The following TENM4 variants were observed in gnomAD, a reference collection of about 807,000 sequenced individuals.
TENM4 encodes teneurin transmembrane protein 4.
In TENM4, 82 loss-of-function variants were observed where a neutral mutation model predicts 243.3. That is an observed-to-expected ratio of 0.34 (90% CI 0.28 to 0.40). The LOEUF is 0.40. Among genes scored for constraint, TENM4 ranks in the 10% least tolerant of loss-of-function variants. The pLI is 1.00. For missense variants in TENM4, 3,138 were observed against 3,673.3 expected, an observed-to-expected ratio of 0.85 and a Z score of 3.77; for synonymous variants, 1,412 against 1,456.3, an observed-to-expected ratio of 0.97 and a Z score of 0.69.
intron 4 of TENM4, among the ~76,000 whole-genome samples, chr11:79,132,351 A>AAAAAAAAAAAAAAAG (rs1862024390): frequency 6.7e-6 from 1 of 149,234 alleles, no homozygotes; most frequent in Non-Finnish European, 1.5e-5. Context: ...AACTCAAAAA[A>AAAAAAAAAAAAAAAG]AAAAAAAAAA....
At chr11:79,001,087 G>A (rs1858310598) in intron 6 of TENM4, among the ~76,000 whole-genome samples, 1 of 152,094 alleles carries the variant, frequency 6.6e-6, no homozygotes, top group Admixed American at 6.6e-5. Context: ...CAGTAAATAT[G>A]GCCTAAATGA....
chr11:79,394,903 C>T (rs1362962105), intron 1 of TENM4, among the ~76,000 whole-genome samples: 1 of 152,150 alleles, frequency 6.6e-6, no homozygotes, highest in Non-Finnish European at 1.5e-5. Context: ...AGCCAAGGAG[C>T]ACCAAGGAGT....
At chr11:78,899,626 G>C (rs1177813860) in intron 7 of TENM4, among the ~76,000 whole-genome samples, 1 of 151,862 alleles carries the variant, frequency 6.6e-6, no homozygotes, top group African/African-American at 2.4e-5. Context: ...GGGCCTAATG[G>C]GAGGCGTTTC....
intron 4 of TENM4, among the ~76,000 whole-genome samples, chr11:79,117,344 G>A (rs972284472): frequency 6.6e-6 from 1 of 152,146 alleles, no homozygotes; most frequent in African/African-American, 2.4e-5. Context: ...GCCTACATAG[G>A]CAGGAGGCTA....
At chr11:79,139,804 T>A (rs185358218) in intron 4 of TENM4, among the ~76,000 whole-genome samples, 2 of 97,504 alleles carry the variant, frequency 2.1e-5, no homozygotes, top group South Asian at 2.8e-4. Context: ...TATAAATATA[T>A]AATATATATT....
intron 4 of TENM4, among the ~76,000 whole-genome samples, chr11:79,128,786 T>C (rs1486431966): frequency 6.6e-6 from 1 of 152,092 alleles, no homozygotes; most frequent in Non-Finnish European, 1.5e-5. Context: ...ACCAGATGTG[T>C]GATTATATAT....
intron 3 of TENM4, among the ~76,000 whole-genome samples, chr11:79,200,505 G>A (rs1389665487): frequency 6.6e-6 from 1 of 152,226 alleles, no homozygotes; most frequent in Non-Finnish European, 1.5e-5. Flanking sequence ...AAGGGCAAGG[G>A]TCATCCAAAG....
intron 3 of TENM4, among the ~76,000 whole-genome samples, chr11:79,180,622 A>T (rs1221200537): frequency 6.6e-6 from 1 of 151,406 alleles, no homozygotes; most frequent in Non-Finnish European, 1.5e-5. Context: ...TTATATATAT[A>T]TTTTTATATT....
chr11:79,420,260 GGTTA>G, intron 1 of TENM4, among the ~76,000 whole-genome samples: 1 of 152,102 alleles, frequency 6.6e-6, no homozygotes, highest in Non-Finnish European at 1.5e-5. Context: ...GGTTGGGAAG[GGTTA>G]GAACAAAAAC....
chr11:79,137,188 A>G (rs1385687424), intron 4 of TENM4, among the ~76,000 whole-genome samples: 2 of 152,180 alleles, frequency 1.3e-5, no homozygotes, highest in African/African-American at 2.4e-5. Context: ...CGATTCCATT[A>G]AAGTGGAAGT....
At chr11:79,166,874 C>A (rs1216156171) in intron 3 of TENM4, among the ~76,000 whole-genome samples, 1 of 152,082 alleles carries the variant, frequency 6.6e-6, no homozygotes, top group African/African-American at 2.4e-5. Context: ...AAAGCATGAA[C>A]AATGGTTGAG....
intron 6 of TENM4, among the ~76,000 whole-genome samples, chr11:78,995,957 T>C (rs890417835): frequency 2.0e-5 from 3 of 148,704 alleles, no homozygotes; most frequent in Admixed American, 6.6e-5. Context: ...GTGGTTCCCA[T>C]TGAGCCTAAA....
At chr11:78,831,790 TA>T (rs1485290064) in intron 12 of TENM4, among the ~76,000 whole-genome samples, 2 of 152,216 alleles carry the variant, frequency 1.3e-5, no homozygotes, top group African/African-American at 2.4e-5. Context: ...CAATGCCTAC[TA>T]TTGTAAATAT....
At position 78,805,277 on chromosome 11, in the gene TENM4, T is replaced by TGCCCCCCCCA; in HGVS notation, c.2179+14_2179+15insTGGGGGGGGC. 15 of 1,402,534 alleles carry TGCCCCCCCCA rather than the reference T, an allele frequency of 1.1e-5. No individual in the cohort carries two copies. Among genetic ancestry groups the TGCCCCCCCCA allele is most frequent in the African/African-American group, 1.5e-5 (1 of 68,156 alleles). 86.9% of individuals were successfully genotyped at this position (1,402,534 alleles called of 1,614,324 possible). ...CCCCTCCCTCTACCCATGCTTCTTC[T>TGCCCCCCCCA]CCCCCTGCATTTACCGATAGAACAG... is the stretch of plus-strand genomic sequence containing the variant. On this transcript the variant is annotated intron_variant, in intron 15 of 33. Transcript: ENST00000278550.
At chr11:79,430,996 A>G (rs1265013091) in intron 1 of TENM4, among the ~76,000 whole-genome samples, 1 of 152,240 alleles carries the variant, frequency 6.6e-6, no homozygotes. Flanking sequence ...GAGGCATTCT[A>G]TAGCAGAAAG....
At chr11:79,399,296 A>G (rs1858408282) in intron 1 of TENM4, among the ~76,000 whole-genome samples, 1 of 152,208 alleles carries the variant, frequency 6.6e-6, no homozygotes, top group Non-Finnish European at 1.5e-5. Context: ...CTGGGGAAGG[A>G]GAATCAGCTG....
chr11:79,071,484 G>A (rs942396431), intron 4 of TENM4, among the ~76,000 whole-genome samples: 39 of 151,936 alleles, frequency 2.6e-4, no homozygotes, highest in African/African-American at 8.5e-4. Flanking sequence ...GTGTCTGGGG[G>A]GTGGGGGTGT....
chr11:79,026,044 C>A (rs144231655), intron 6 of TENM4, among the ~76,000 whole-genome samples: 1 of 152,302 alleles, frequency 6.6e-6, no homozygotes, highest in Non-Finnish European at 1.5e-5. Flanking sequence ...ATTCTCTGTG[C>A]TCCAACGAGG....
chr11:79,352,862 G>A (rs1199455649), intron 1 of TENM4, among the ~76,000 whole-genome samples: 1 of 152,140 alleles, frequency 6.6e-6, no homozygotes. Context: ...CCAGGCCCAA[G>A]TTCTTTCTTA....
Sources: allele counts gnomAD v4.1 joint callset (sites outside exome capture counted in the v4.1 genomes callset), GRCh38; gene constraint gnomAD v4.1.1; transcripts MANE v1.5; gene names NCBI Gene and HGNC (gene_info 2026-07-23, HGNC 2026-07-21).